WNT9A: variants seen among roughly 807,000 people sequenced by gnomAD.
WNT9A encodes protein Wnt-9a.
A neutral mutation model predicts 31.4 loss-of-function variants in WNT9A; 8 were observed. That is an observed-to-expected ratio of 0.26 (90% CI 0.15 to 0.46). The LOEUF is 0.46. Among genes scored for constraint, WNT9A ranks in the 20% least tolerant of loss-of-function variants. The pLI is 0.99. For synonymous variants in WNT9A, 236 were observed against 220.1 expected (o/e 1.07, Z -0.64); for missense variants, 457 against 522.9 (o/e 0.87, Z 1.23).
chr1:227,939,668 A>AGGAGTG (rs1397835600), intron 1 of WNT9A, among the ~76,000 whole-genome samples: 1 of 152,202 alleles, frequency 6.6e-6, no homozygotes, highest in Non-Finnish European at 1.5e-5. Context: ...GCCTCCTGCC[A>AGGAGTG]GCAGGTCTAG....
At chr1:227,931,882 T>C (rs1242919950) in intron 1 of WNT9A, among the ~76,000 whole-genome samples, 1 of 147,254 alleles carries the variant, frequency 6.8e-6, no homozygotes, top group African/African-American at 2.5e-5. Flanking sequence ...GGAAATGTCT[T>C]TTTTTTTTTT....
chr1:227,939,481 C>T (rs537637179), intron 1 of WNT9A, among the ~76,000 whole-genome samples: 2 of 152,292 alleles, frequency 1.3e-5, no homozygotes, highest in African/African-American at 2.4e-5. Flanking sequence ...ACACCTTGCC[C>T]TGAGCCTGAG....
chr1:227,921,909 A>G lies in WNT9A; in HGVS notation c.707T>C (p.Phe236Ser), dbSNP rs1402755540. 5 of 1,613,046 alleles carry G rather than the reference A, an allele frequency of 3.1e-6. No homozygotes were observed. The highest frequency in any genetic ancestry group is 8.5e-7 in the Non-Finnish European group (1 of 1,179,948). ...VRTCWRQLAP[F>S]HEVGKHLKHK... ...CTTCAGATGCTTGCCCACCTCATGG[A>G]AAGGCGCCAACTGCCGCCAGCAGGT... The change falls in exon 4 of 4, where the codon TTC (phenylalanine) becomes TCC (serine). Residue 236 changes from phenylalanine to serine, a missense_variant. Phe to Ser is a radical substitution (Grantham distance 155). Transcript: ENST00000272164.
In WNT9A at chr1:227,942,707, CT is replaced by C. The variant is rs1229973653; in HGVS notation, c.95+5085del. Among the ~76,000 whole-genome samples the C allele has an allele frequency of 1.3e-5, 2 of 152,160 alleles. No homozygotes were observed. Among genetic ancestry groups the C allele is most frequent in the African/African-American group, 2.4e-5 (1 of 41,434 alleles). On this transcript the variant is annotated intron_variant, in intron 1 of 3. Coordinates refer to ENST00000272164, the MANE Select transcript of WNT9A (RefSeq NM_003395.4). This position sits in a 1 kb window ranked among gnomAD's most constrained non-coding sequence, Gnocchi z 5.7. The stretch of plus-strand genomic sequence containing the variant: ...AGAGCACTCTGTGTGGCCTTTCTTC[CT>C]GATGCCAGGCCCCACATGCTTCCTG...
chr1:227,936,952 C>T (rs1666605015), intron 1 of WNT9A, among the ~76,000 whole-genome samples: 2 of 152,212 alleles, frequency 1.3e-5, no homozygotes, highest in Admixed American at 1.3e-4. Flanking sequence ...CTCCCGCACC[C>T]TTCTCAGCTG....
rs1326331464 is a variant in WNT9A, at chr1:227,925,903, A to T, written c.96-384T>A. On this transcript the variant is annotated intron_variant, in intron 1 of 3. Transcript: ENST00000272164. This position sits in a 1 kb window ranked among gnomAD's most constrained non-coding sequence, Gnocchi z 6.0. ...GAGGAGGCTCCGGAGCCTGAATCCC[A>T]AACTATGCCTGATGGGCGTCTGCCA... is the stretch of plus-strand genomic sequence containing the variant. Among the ~76,000 whole-genome samples the T allele has an allele frequency of 1.3e-5, 2 of 152,012 alleles. No homozygotes were observed. The highest frequency in any genetic ancestry group is 1.3e-4 in the Admixed American group (2 of 15,272).
chr1:227,937,576 A>G (rs1439353500), intron 1 of WNT9A, among the ~76,000 whole-genome samples: 2 of 152,214 alleles, frequency 1.3e-5, no homozygotes, highest in Non-Finnish European at 2.9e-5. Flanking sequence ...AAGAAAAAGG[A>G]GAAGACACAG....
chr1:227,924,134 T>G lies in WNT9A; in HGVS notation c.615+4A>C. 1 of 520,742 alleles carries G rather than the reference T, an allele frequency of 1.9e-6. No individual in the cohort carries two copies. The highest frequency in any genetic ancestry group is 9.5e-5 in the East Asian group (1 of 10,542). The allele number at this position is 520,742 out of a possible 1,614,324, so 32.3% of individuals were successfully genotyped here. Reference sequence around the variant, plus strand: ...TCCCACCCCGCCAGCCCCACCCCACTTGCCTTCACACCCACGAGGTTGTTG... The same window carrying G: ...TCCCACCCCGCCAGCCCCACCCCACGTGCCTTCACACCCACGAGGTTGTTG... On this transcript the variant is annotated splice_donor_region_variant and intron_variant, in intron 3 of 3. Transcript: ENST00000272164.
At chr1:227,945,908 C>A (rs56981472) in intron 1 of WNT9A, among the ~76,000 whole-genome samples, 1,901 of 152,320 alleles carry the variant, frequency 0.012, 14 homozygotes, top group African/African-American at 0.021. Flanking sequence ...GATGCCCCCC[C>A]AGCCCCTGGT....
Position 227,921,467 on chromosome 1 carries a change from C to T in WNT9A, c.*51G>A. The T allele has an allele frequency of 6.4e-7, 1 of 1,569,204 alleles. No individual in the cohort carries two copies. The highest frequency in any genetic ancestry group is 8.7e-7 in the Non-Finnish European group (1 of 1,155,922). ...CCTGTGCAGGTGTAGACCCTTCACA[C>T]CGTGTGCAATGCCTGCACCCTGTGC... On this transcript the variant is annotated 3_prime_UTR_variant, in exon 4 of 4. Transcript: ENST00000272164.
At position 227,919,599 on chromosome 1, in the gene WNT9A, G is replaced by C. The variant is rs1666271154; in HGVS notation, c.*1919C>G. 1 of 151,778 alleles carries C rather than the reference G, an allele frequency of 6.6e-6. No individual in the cohort carries two copies. Among genetic ancestry groups the C allele is most frequent in the South Asian group, 2.1e-4 (1 of 4,802 alleles). 9.4% of individuals were successfully genotyped at this position (151,778 alleles called of 1,614,324 possible). On this transcript the variant is annotated 3_prime_UTR_variant, in exon 4 of 4. Coordinates refer to ENST00000272164, the MANE Select transcript of WNT9A (RefSeq NM_003395.4). ...CCCACAGCCATCAGGACACCCACAA[G>C]ACGGAGCCCAGGGCGAGAGGCTCTG...
At position 227,942,853 on chromosome 1, in the gene WNT9A, G is replaced by A. The variant is rs1348489284; in HGVS notation, c.95+4940C>T. On this transcript the variant is annotated intron_variant, in intron 1 of 3. Coordinates refer to ENST00000272164, the MANE Select transcript of WNT9A (RefSeq NM_003395.4). The surrounding 1 kb of genome is among the most constrained non-coding windows in gnomAD (Gnocchi z 5.7). ...ACAGTGCTCAGAGCACCCGACCCAGGCCCCAGCCATGGGGTCACCCCAGAT... is the reference window on the plus strand; with the variant it reads ...ACAGTGCTCAGAGCACCCGACCCAGACCCCAGCCATGGGGTCACCCCAGAT... Among the ~76,000 whole-genome samples the A allele has an allele frequency of 6.6e-6, 1 of 152,120 alleles. No homozygotes were observed. The highest frequency in any genetic ancestry group is 6.5e-5 in the Admixed American group (1 of 15,272).
Position 227,925,782 on chromosome 1 carries a change from G to A in WNT9A, c.96-263C>T, listed in dbSNP as rs1666412090. Among the ~76,000 whole-genome samples the A allele has an allele frequency of 6.6e-6, 1 of 152,080 alleles. No homozygotes were observed. Among genetic ancestry groups the A allele is most frequent in the African/African-American group, 2.4e-5 (1 of 41,394 alleles). ...GCCGACTCGACCCCCACAGTTTCAG[G>A]GAGTCTAGCTGACTCTGGCTGCACT... On this transcript the variant is annotated intron_variant, in intron 1 of 3. Coordinates refer to ENST00000272164, the MANE Select transcript of WNT9A (RefSeq NM_003395.4). The surrounding 1 kb of genome is among the most constrained non-coding windows in gnomAD (Gnocchi z 6.0).
rs776895487 is a variant in WNT9A, at chr1:227,943,541, C to T, written c.95+4252G>A. The stretch of plus-strand genomic sequence containing the variant: ...ATGCAGTCAGAGCCCCACAAGGTGC[C>T]ATTCCACACCCACTAGGATGGCTGC... On this transcript the variant is annotated intron_variant, in intron 1 of 3. Coordinates refer to ENST00000272164, the MANE Select transcript of WNT9A (RefSeq NM_003395.4). 2.0e-5 allele frequency among the ~76,000 whole-genome samples: 3 copies of T among 152,222 alleles called. No individual in the cohort carries two copies. The South Asian group carries it at 6.2e-4, about 32-fold the overall frequency.
At chr1:227,946,012 A>G (rs531125286) in intron 1 of WNT9A, among the ~76,000 whole-genome samples, 2 of 152,320 alleles carry the variant, frequency 1.3e-5, no homozygotes, top group South Asian at 4.1e-4. Flanking sequence ...TGCCCTCTGG[A>G]CTTCCCACAG....
At position 227,926,705 on chromosome 1, in the gene WNT9A, A is replaced by C. The variant is rs74140814; in HGVS notation, c.96-1186T>G. Among the ~76,000 whole-genome samples, 15,185 of 151,656 alleles carry C rather than the reference A, an allele frequency of 0.1. 844 individuals carry two copies. The highest frequency in any genetic ancestry group is 0.12 in the South Asian group (596 of 4,798). On this transcript the variant is annotated intron_variant, in intron 1 of 3. Transcript: ENST00000272164. The surrounding 1 kb of genome is among the most constrained non-coding windows in gnomAD (Gnocchi z 5.0). ...TCCTGAAAGCATCACTGGACACATG[A>C]CGACCAACCCACCCCCAGCAGAGAA... is the stretch of plus-strand genomic sequence containing the variant.
At chr1:227,940,306 G>A (rs1013306174) in intron 1 of WNT9A, among the ~76,000 whole-genome samples, 18 of 152,216 alleles carry the variant, frequency 1.2e-4, no homozygotes, top group Admixed American at 1.1e-3. Context: ...ACCCCCCGGG[G>A]GAAAGGTGAA....
In WNT9A at chr1:227,921,372, G is replaced by T; in HGVS notation, c.*146C>A. On this transcript the variant is annotated 3_prime_UTR_variant, in exon 4 of 4. Transcript: ENST00000272164. The stretch of plus-strand genomic sequence containing the variant: ...GCCCAGGGACTCAGCCCATGCAGGT[G>T]TAGACCCATTCACACTGTGTGCAAT... The T allele has an allele frequency of 7.6e-7, 1 of 1,319,692 alleles. No individual in the cohort carries two copies. Among genetic ancestry groups the T allele is most frequent in the Non-Finnish European group, 1.0e-6 (1 of 972,320 alleles). 81.7% of individuals were successfully genotyped at this position (1,319,692 alleles called of 1,614,324 possible).
chr1:227,925,459 G>T lies in WNT9A; in HGVS notation c.156C>A (p.Ala52=), dbSNP rs1254817143. 1 of 1,580,878 alleles carries T rather than the reference G, an allele frequency of 6.3e-7. No homozygotes were observed. Among genetic ancestry groups the T allele is most frequent in the African/African-American group, 1.4e-5 (1 of 73,988 alleles). Residue 52 remains alanine, a synonymous_variant, in exon 2 of 4, where the codon GCC becomes GCA. Transcript: ENST00000272164. The surrounding 1 kb of genome is among the most constrained non-coding windows in gnomAD (Gnocchi z 6.0). ...GGTCGCAGGCCTTGTAGTGCGCCTG[G>T]GCAGCCGCCTCTGGCTCCAGGGTCA... The part of the protein sequence containing the change: ...LPLTLEPEAA[A]QAHYKACDRL...
Sources: allele counts gnomAD v4.1 joint callset (sites outside exome capture counted in the v4.1 genomes callset), GRCh38; gene constraint gnomAD v4.1.1; non-coding constraint Gnocchi (gnomAD v3.1); transcripts MANE v1.5; gene names NCBI Gene and HGNC (gene_info 2026-07-23, HGNC 2026-07-21).